The following FGF13 variants were observed in gnomAD, a reference collection of about 807,000 sequenced individuals.
The protein encoded by FGF13 is fibroblast growth factor 13, also known as fibroblast growth factor homologous factor 2.
FGF13 carries 2 observed loss-of-function variants against 19.5 expected under a neutral mutation model. That is an observed-to-expected ratio of 0.10 (90% CI 0.04 to 0.32). The LOEUF (loss-of-function observed/expected upper bound fraction) is 0.32, where lower values mean the gene tolerates loss of function less well. Among genes scored for constraint, FGF13 ranks in the 10% least tolerant of loss-of-function variants. The pLI, the probability that FGF13 is intolerant of heterozygous loss-of-function variation, is 1.00. For synonymous variants in FGF13, 72 were observed against 76.9 expected, an observed-to-expected ratio of 0.94 and a Z score of 0.33; for missense variants, 113 against 192.7, an observed-to-expected ratio of 0.59 and a Z score of 2.45.
rs970830423 is a variant in FGF13 at position 138,621,464 on chromosome X, C to T, written c.*11386G>A. The T allele has an allele frequency of 4.6e-5, 5 of 109,708 alleles. No homozygotes were observed. Among genetic ancestry groups the T allele is most frequent in the African/African-American group, 1.7e-4 (5 of 30,248 alleles). 9.0% of individuals were successfully genotyped at this position (109,708 alleles called of 1,213,427 possible). On this transcript the variant is annotated 3_prime_UTR_variant, in exon 5 of 5. Transcript: ENST00000315930. Reference sequence around the variant, plus strand: ...ATATGGGATGCAGCAAAAGGCATTTCTAAGAAGGAAGTTTATAGTGATAAA... The same window carrying T: ...ATATGGGATGCAGCAAAAGGCATTTTTAAGAAGGAAGTTTATAGTGATAAA...
chrX:138,684,314 C>T (rs939806547), intron 3 of FGF13, among the ~76,000 whole-genome samples: 1 of 111,421 alleles, frequency 9.0e-6, no homozygotes, highest in Admixed American at 9.6e-5. Flanking sequence ...ATTTCTAATT[C>T]GGTGTGCCCA....
Position 138,711,542 on chromosome X carries a change from G to C in FGF13, c.-539C>G, listed in dbSNP as rs1362774187. 2 of 754,974 alleles carry C rather than the reference G, an allele frequency of 2.6e-6. No individual in the cohort carries two copies. Among genetic ancestry groups the C allele is most frequent in the Admixed American group, 1.7e-4 (2 of 11,738 alleles). 62.2% of individuals were successfully genotyped at this position (754,974 alleles called of 1,213,427 possible). On this transcript the variant is annotated 5_prime_UTR_variant, in exon 1 of 5. Transcript: ENST00000315930. ...CTCGCCCTGGCCCCTCCGAGTCTTC[G>C]ACTAGTCCTTGCAACTTCTTGGCGT...
At chrX:139,077,882 A>G (rs1187867080) in intron 1 of FGF13, among the ~76,000 whole-genome samples, 1 of 111,950 alleles carries the variant, frequency 8.9e-6, no homozygotes, top group Non-Finnish European at 1.9e-5. Flanking sequence ...ATGAAAAAAA[A>G]GTGATGAGGC....
At chrX:138,889,359 A>G (rs1423094094) in intron 1 of FGF13, among the ~76,000 whole-genome samples, 1 of 112,261 alleles carries the variant, frequency 8.9e-6, no homozygotes, top group African/African-American at 3.2e-5. Context: ...TAAGGCAAAC[A>G]TGGTCCCCAC....
At chrX:138,770,823 G>A (rs2090539631) in intron 3 of FGF13, among the ~76,000 whole-genome samples, 1 of 111,787 alleles carries the variant, frequency 8.9e-6, no homozygotes, top group South Asian at 3.8e-4. Flanking sequence ...CCAGCTCGGA[G>A]GAGGCACAAA....
intron 1 of FGF13, among the ~76,000 whole-genome samples, chrX:139,044,956 G>A (rs2092282080): frequency 8.9e-6 from 1 of 111,955 alleles, no homozygotes; most frequent in Non-Finnish European, 1.9e-5. Context: ...GGGACTCTGT[G>A]TGGGGCCTTC....
intron 1 of FGF13, among the ~76,000 whole-genome samples, chrX:139,013,626 T>C (rs2124376517): frequency 9.5e-6 from 1 of 105,496 alleles, no homozygotes; most frequent in Admixed American, 1.0e-4. Flanking sequence ...GTGAAGTAAC[T>C]CAGAAATGGA....
intron 1 of FGF13, among the ~76,000 whole-genome samples, chrX:139,071,104 T>G (rs188525808): frequency 1.8e-5 from 2 of 111,374 alleles, no homozygotes; most frequent in African/African-American, 6.5e-5. Flanking sequence ...ATTCTGCACA[T>G]GTACCCCATA....
chrX:138,825,225 C>A (rs920423450), intron 3 of FGF13, among the ~76,000 whole-genome samples: 3 of 111,603 alleles, frequency 2.7e-5, no homozygotes, highest in African/African-American at 9.8e-5. Flanking sequence ...TGGAGTCAGA[C>A]AAATCTGGGT....
chrX:138,843,150 A>C (rs1170934178), intron 3 of FGF13, among the ~76,000 whole-genome samples: 1 of 111,764 alleles, frequency 8.9e-6, no homozygotes, highest in Admixed American at 9.5e-5. Context: ...CCCAGTGTCC[A>C]CTCCCTGCTC....
chrX:138,896,505 A>G (rs925315755), intron 1 of FGF13, among the ~76,000 whole-genome samples: 1 of 111,373 alleles, frequency 9.0e-6, no homozygotes, highest in Admixed American at 9.6e-5. Context: ...TTCATAAAAC[A>G]TTGATTTCAT....
chrX:138,710,454 T>C (rs777811933), intron 1 of FGF13, among the ~76,000 whole-genome samples: 1 of 111,152 alleles, frequency 9.0e-6, no homozygotes, highest in African/African-American at 3.3e-5. Flanking sequence ...GGGAGGATGG[T>C]GTCTGCCCAG....
At chrX:139,030,860 A>T (rs1192373835) in intron 1 of FGF13, among the ~76,000 whole-genome samples, 1 of 111,892 alleles carries the variant, frequency 8.9e-6, no homozygotes, top group East Asian at 2.8e-4. Context: ...TGCCACATTC[A>T]ATTAGTCAAA....
chrX:139,184,370 G>C (rs1398957760), intron 1 of FGF13, among the ~76,000 whole-genome samples: 1 of 111,436 alleles, frequency 9.0e-6, no homozygotes, highest in Non-Finnish European at 1.9e-5. Context: ...TTTTATACTT[G>C]TGCACTTTTA....
intron 3 of FGF13, among the ~76,000 whole-genome samples, chrX:138,848,218 T>A (rs2091197000): frequency 9.0e-6 from 1 of 111,515 alleles, no homozygotes; most frequent in Non-Finnish European, 1.9e-5. Flanking sequence ...GTGCACATGG[T>A]GGGAAAGACG....
intron 1 of FGF13, among the ~76,000 whole-genome samples, chrX:139,108,934 C>A (rs1260862086): frequency 9.5e-6 from 1 of 105,298 alleles, no homozygotes; most frequent in African/African-American, 3.5e-5. Flanking sequence ...TGAGCACATG[C>A]GATGTTTGAT....
chrX:139,065,469 G>A (rs59429414), intron 1 of FGF13, among the ~76,000 whole-genome samples: 14,452 of 80,473 alleles, frequency 0.18, 1,080 homozygotes, highest in African/African-American at 0.33. Context: ...TATTTACCAA[G>A]CAAACGGAAA....
chrX:139,033,047 A>C (rs1803581513), intron 1 of FGF13, among the ~76,000 whole-genome samples: 1 of 104,357 alleles, frequency 9.6e-6, no homozygotes, highest in African/African-American at 3.5e-5. Context: ...AAAAAAAAAA[A>C]AAAAAAAACT....
chrX:139,016,668 A>G (rs1251133889), intron 1 of FGF13, among the ~76,000 whole-genome samples: 1 of 111,658 alleles, frequency 9.0e-6, no homozygotes, highest in Non-Finnish European at 1.9e-5. Context: ...TGGCTCCACA[A>G]CAGTACTTGA....
Sources: allele counts gnomAD v4.1 joint callset (sites outside exome capture counted in the v4.1 genomes callset), GRCh38; gene constraint gnomAD v4.1.1; transcripts MANE v1.5; gene names NCBI Gene and HGNC (gene_info 2026-07-23, HGNC 2026-07-21).